The following SAE1 variants were observed in gnomAD, a reference collection of about 807,000 sequenced individuals.
The protein encoded by SAE1 is SUMO1 activating enzyme subunit 1, also known as SUMO-activating enzyme subunit 1.
A neutral mutation model predicts 40.6 loss-of-function variants in SAE1; 11 were observed. That is an observed-to-expected ratio of 0.27 (90% confidence interval 0.17 to 0.45). The LOEUF (loss-of-function observed/expected upper bound fraction) is 0.45, where lower values mean the gene tolerates loss of function less well. Among genes scored for constraint, SAE1 ranks in the 20% least tolerant of loss-of-function variants. The pLI is 1.00. For missense variants in SAE1, 373 were observed against 427.3 expected, an observed-to-expected ratio of 0.87 and a Z score of 1.12; for synonymous variants, 155 against 154.3, an observed-to-expected ratio of 1.00 and a Z score of -0.03.
At chr19:47,194,926 G>T (rs2058604099) in intron 6 of SAE1, among the ~76,000 whole-genome samples, 1 of 151,306 alleles carries the variant, frequency 6.6e-6, no homozygotes. Flanking sequence ...TATTTTTTTA[G>T]TAGAGACGGG....
chr19:47,150,649 G>A (rs922844786), intron 3 of SAE1, among the ~76,000 whole-genome samples: 1 of 152,160 alleles, frequency 6.6e-6, no homozygotes, highest in African/African-American at 2.4e-5. Flanking sequence ...GCCAGGTTTC[G>A]TCTTTGGTGT....
intron 6 of SAE1, among the ~76,000 whole-genome samples, chr19:47,178,260 C>CT (rs1447928086): frequency 3.3e-5 from 5 of 151,924 alleles, no homozygotes; most frequent in Non-Finnish European, 5.9e-5. Context: ...AAAAAGAAAT[C>CT]TATCTATCTA....
intron 6 of SAE1, among the ~76,000 whole-genome samples, chr19:47,185,662 C>T (rs1375496460): frequency 6.6e-6 from 1 of 151,632 alleles, no homozygotes; most frequent in East Asian, 2.0e-4. Flanking sequence ...AGTACAGTAG[C>T]CCCATCTCTG....
At chr19:47,182,483 GTGTGTGTGTGTGTGCGCGCACGCA>G (rs1408335989) in intron 6 of SAE1, among the ~76,000 whole-genome samples, 4 of 144,294 alleles carry the variant, frequency 2.8e-5, no homozygotes, top group African/African-American at 1.1e-4. Flanking sequence ...GTGTGTGTGT[GTGTGTGTGTGTGTGCGCGCACGCA>G]CGCGCGCGCG....
chr19:47,174,921 C>T (rs2123264486), intron 6 of SAE1, among the ~76,000 whole-genome samples: 1 of 151,728 alleles, frequency 6.6e-6, no homozygotes, highest in South Asian at 2.1e-4. Flanking sequence ...GTTGGCCAGG[C>T]TGGTCTCAAA....
chr19:47,143,174 C>T (rs1600151751), intron 1 of SAE1, among the ~76,000 whole-genome samples: 1 of 151,936 alleles, frequency 6.6e-6, no homozygotes, highest in Middle Eastern at 3.4e-3. Flanking sequence ...GGCATGATCT[C>T]GGCTCACTGC....
At chr19:47,170,848 C>T (rs1156536554) in intron 6 of SAE1, among the ~76,000 whole-genome samples, 4 of 152,154 alleles carry the variant, frequency 2.6e-5, no homozygotes, top group African/African-American at 2.4e-5. Context: ...ACCATCCTCA[C>T]GCTTATGAAA....
intron 7 of SAE1, among the ~76,000 whole-genome samples, chr19:47,200,382 A>C (rs900340284): frequency 1.4e-5 from 2 of 144,698 alleles, no homozygotes; most frequent in African/African-American, 5.2e-5. Context: ...ATAGGCGTGT[A>C]CTACCAAGCC....
At chr19:47,189,812 C>T (rs749838919) in intron 6 of SAE1, among the ~76,000 whole-genome samples, 1 of 152,196 alleles carries the variant, frequency 6.6e-6, no homozygotes, top group Admixed American at 6.6e-5. Context: ...CTGGTTTATT[C>T]GGTGGCCTTG....
intron 6 of SAE1, among the ~76,000 whole-genome samples, chr19:47,196,886 T>C (rs1286060246): frequency 2.0e-5 from 3 of 151,614 alleles, no homozygotes; most frequent in African/African-American, 7.3e-5. Context: ...GTTTGTTGAA[T>C]AAATAAAAAA....
chr19:47,132,983 A>G (rs2058155697), intron 1 of SAE1, among the ~76,000 whole-genome samples: 1 of 152,084 alleles, frequency 6.6e-6, no homozygotes. Context: ...TGGCCAGGGA[A>G]GGGCTCTGAA....
intron 6 of SAE1, among the ~76,000 whole-genome samples, chr19:47,183,827 T>G (rs1381663459): frequency 6.6e-6 from 1 of 152,188 alleles, no homozygotes; most frequent in Non-Finnish European, 1.5e-5. Flanking sequence ...GTCAAGGTCA[T>G]GTGCTGCTCA....
chr19:47,186,078 A>G (rs1164187251), intron 6 of SAE1, among the ~76,000 whole-genome samples: 1 of 151,552 alleles, frequency 6.6e-6, no homozygotes, highest in African/African-American at 2.4e-5. Flanking sequence ...CGTCTCTACT[A>G]AAAATACAAA....
At chr19:47,170,399 G>T (rs2058423385) in intron 6 of SAE1, among the ~76,000 whole-genome samples, 1 of 151,366 alleles carries the variant, frequency 6.6e-6, no homozygotes. Flanking sequence ...ATTTTGAGTA[G>T]AGATGGGGTT....
chr19:47,193,172 C>T (rs1278796594), intron 6 of SAE1, among the ~76,000 whole-genome samples: 2 of 151,806 alleles, frequency 1.3e-5, no homozygotes, highest in African/African-American at 4.8e-5. Flanking sequence ...ATTCTCCTGC[C>T]TCAGCCTCCC....
At chr19:47,162,483 T>G (rs1434181949) in intron 5 of SAE1, among the ~76,000 whole-genome samples, 1 of 152,202 alleles carries the variant, frequency 6.6e-6, no homozygotes, top group Non-Finnish European at 1.5e-5. Flanking sequence ...TTTGGTAACT[T>G]CAGGCGTTTT....
chr19:47,142,967 T>C (rs553498070), intron 1 of SAE1, among the ~76,000 whole-genome samples: 65 of 152,330 alleles, frequency 4.3e-4, no homozygotes, highest in Middle Eastern at 6.8e-3. Flanking sequence ...CACCGCCTTA[T>C]TTCCACACCA....
intron 7 of SAE1, among the ~76,000 whole-genome samples, chr19:47,202,033 G>A (rs1405084261): frequency 6.6e-6 from 1 of 152,158 alleles, no homozygotes; most frequent in Non-Finnish European, 1.5e-5. Flanking sequence ...CCTGGCCAGG[G>A]CGTAAGGAGC....
At chr19:47,196,068 C>T (rs1343868558) in intron 6 of SAE1, among the ~76,000 whole-genome samples, 5 of 145,344 alleles carry the variant, frequency 3.4e-5, no homozygotes, top group Admixed American at 6.9e-5. Flanking sequence ...TTTTCCCAGA[C>T]GGAGTCTCGC....
Sources: allele counts gnomAD v4.1 joint callset (sites outside exome capture counted in the v4.1 genomes callset), GRCh38; gene constraint gnomAD v4.1.1; transcripts MANE v1.5; gene names NCBI Gene and HGNC (gene_info 2026-07-23, HGNC 2026-07-21).